The following C6orf136 variants were observed in gnomAD, a reference collection of about 807,000 sequenced individuals.
The protein encoded by C6orf136 is uncharacterized protein C6orf136.
A neutral mutation model predicts 44.0 loss-of-function variants in C6orf136; 29 were observed. The ratio of observed to expected loss-of-function variants is 0.66; its 90% CI spans 0.49 to 0.90. C6orf136 has a LOEUF of 0.90. Among genes scored for constraint, C6orf136 ranks in the 40% least tolerant of loss-of-function variants. The pLI, the probability that C6orf136 is intolerant of heterozygous loss-of-function variation, is 0.00. For synonymous variants in C6orf136, 293 were observed against 278.6 expected, an observed-to-expected ratio of 1.05 and a Z score of -0.52; for missense variants, 628 against 669.3, an observed-to-expected ratio of 0.94 and a Z score of 0.68.
At position 30,651,432 on chromosome 6, in the gene C6orf136, C is replaced by A; in HGVS notation, c.1273C>A (p.Arg425=). ...VGLPVHLLFL[R]FYKRDKDEHY... ...GCTGCCCGTCCACTTGCTCTTTTTG[C>A]GGTTCTACAAGCGTGACAAAGACGA... Residue 425 remains arginine (R), a synonymous_variant, in exon 4 of 6, where the codon CGG becomes AGG. Transcript: ENST00000651131. 1 of 1,611,180 alleles carries A rather than the reference C, an allele frequency of 6.2e-7. No homozygotes were observed. Among genetic ancestry groups the A allele is most frequent in the Non-Finnish European group, 8.5e-7 (1 of 1,179,986 alleles).
At position 30,651,489 on chromosome 6, in the gene C6orf136, C is replaced by A. The variant is rs200258940; in HGVS notation, c.1307+23C>A. The A allele has an allele frequency of 3.1e-6, 5 of 1,592,716 alleles. 1 individual carries two copies. Among genetic ancestry groups the A allele is most frequent in the African/African-American group, 2.7e-5 (2 of 74,580 alleles). ...CCGGTAAGAGAGAAATGAGAAAGGA[C>A]CCAAACTATAATCAGTTCCTTTTTT... On this transcript the variant is annotated intron_variant, in intron 4 of 5. Coordinates refer to ENST00000651131, the MANE Select transcript of C6orf136 (RefSeq NM_001161376.2).
Position 30,649,574 on chromosome 6 carries a change from G to T in C6orf136, c.632G>T (p.Gly211Val). The T allele has an allele frequency of 6.3e-7, 1 of 1,583,224 alleles. No homozygotes were observed. Among genetic ancestry groups the T allele is most frequent in the Non-Finnish European group, 8.5e-7 (1 of 1,172,376 alleles). Residue 211 changes from glycine to valine, a missense_variant, in exon 2 of 6, where the codon GGG becomes GTG. Gly to Val is a moderately radical substitution (Grantham distance 109). Coordinates refer to ENST00000651131, the MANE Select transcript of C6orf136 (RefSeq NM_001161376.2). Reference protein sequence around the residue: ...PSGTEDQLYPGTLPFPPLWPH... With the variant: ...PSGTEDQLYPVTLPFPPLWPH... Reference sequence around the variant, plus strand: ...TCTCCTTAGGACCAGCTTTATCCAGGGACTCTACCATTCCCACCCCTTTGG... The same window carrying T: ...TCTCCTTAGGACCAGCTTTATCCAGTGACTCTACCATTCCCACCCCTTTGG...
At chr6:30,652,345 C>T (rs138684884) in intron 4 of C6orf136, among the ~76,000 whole-genome samples, 1 of 152,072 alleles carries the variant, frequency 6.6e-6, no homozygotes, top group East Asian at 1.9e-4. Context: ...TGGTAAATTT[C>T]CGCCTGGGAG....
intron 4 of C6orf136, 106 bp from the exon 5 acceptor site, chr6:30,652,542 A>G: frequency 2.0e-6 from 2 of 991,412 alleles, no homozygotes; most frequent in Non-Finnish European, 3.3e-6. Context: ...TGCCCAGGTG[A>G]TCTAATATGT....
In C6orf136 at chr6:30,652,960, A is replaced by G. The variant is rs1435424143; in HGVS notation, c.*45A>G. Reference sequence around the variant, plus strand: ...GGCAGCACTGAAGACTGCTACGCCCAAGAGAAGGAGGTGGAGGCAGCCAAG... The same window carrying G: ...GGCAGCACTGAAGACTGCTACGCCCGAGAGAAGGAGGTGGAGGCAGCCAAG... On this transcript the variant is annotated 3_prime_UTR_variant, in exon 6 of 6. Coordinates refer to ENST00000651131, the MANE Select transcript of C6orf136 (RefSeq NM_001161376.2). 6.5e-7 allele frequency: 1 copy of G among 1,543,472 alleles called. No individual in the cohort carries two copies. Among genetic ancestry groups the G allele is most frequent in the Non-Finnish European group, 8.9e-7 (1 of 1,119,114 alleles).
Position 30,653,202 on chromosome 6 carries a change from G to A in C6orf136, c.*287G>A. The stretch of plus-strand genomic sequence containing the variant: ...AATAGGTATTAAATAATGTATAGAA[G>A]GAAAAGGAGCTGGTGTCAGGTTCTG... On this transcript the variant is annotated 3_prime_UTR_variant, in exon 6 of 6. Coordinates refer to ENST00000651131, the MANE Select transcript of C6orf136 (RefSeq NM_001161376.2). 1.3e-6 allele frequency: 2 copies of A among 1,591,550 alleles called. No homozygotes were observed. Among genetic ancestry groups the A allele is most frequent in the Non-Finnish European group, 1.7e-6 (2 of 1,173,572 alleles).
rs1041483084 is a variant in C6orf136, at chr6:30,647,282, C to T, written c.51C>T (p.Arg17=). 7 of 1,600,210 alleles carry T rather than the reference C, an allele frequency of 4.4e-6. No homozygotes were observed. The African/African-American group carries it at 8.2e-5, about 19-fold the overall frequency. The change falls in exon 1 of 6, where the codon CGC becomes CGT. Residue 17 remains arginine (R), a synonymous_variant. Coordinates refer to ENST00000651131, the MANE Select transcript of C6orf136 (RefSeq NM_001161376.2). The surrounding 1 kb of genome is among the most constrained non-coding windows in gnomAD (Gnocchi z 4.8). ...CCCGGCGTCTCGGCCCTTGCCTGCGCGCCTACCAGGCTCGACCCCAGGTGA... is the reference window on the plus strand; with the variant it reads ...CCCGGCGTCTCGGCCCTTGCCTGCGTGCCTACCAGGCTCGACCCCAGGTGA... The part of the protein sequence containing the change: ...GAARRLGPCL[R]AYQARPQVSG...
At chr6:30,648,596 T>C (rs1767099036) in intron 1 of C6orf136, among the ~76,000 whole-genome samples, 2 of 151,308 alleles carry the variant, frequency 1.3e-5, no homozygotes, top group South Asian at 4.2e-4. Context: ...AGATGGGGTG[T>C]CACCATATTG....
intron 1 of C6orf136, among the ~76,000 whole-genome samples, chr6:30,648,434 C>G (rs1223862867): frequency 1.3e-5 from 2 of 149,914 alleles, no homozygotes; most frequent in African/African-American, 4.9e-5. Context: ...AGTCTTGCTC[C>G]GTCACCCAGG....
chr6:30,649,509 G>A, intron 1 of C6orf136, 49 bp from the exon 2 acceptor site: 2 of 1,539,578 alleles, frequency 1.3e-6, no homozygotes, highest in Non-Finnish European at 8.7e-7. Context: ...ATCAAGGGGT[G>A]TTAGACAAGT....
intron 4 of C6orf136, among the ~76,000 whole-genome samples, chr6:30,651,831 T>G (rs2127571992): frequency 6.6e-6 from 1 of 152,132 alleles, no homozygotes; most frequent in South Asian, 2.1e-4. Flanking sequence ...CTTGACTGTT[T>G]AAGGACAGGG....
rs1455398881 is a variant in C6orf136 at position 30,647,854 on chromosome 6, A to G, written c.615+8A>G. On this transcript the variant is annotated splice_region_variant and intron_variant, in intron 1 of 5. Transcript: ENST00000651131. The surrounding 1 kb of genome is among the most constrained non-coding windows in gnomAD (Gnocchi z 4.8). ...ACACCATCGGGGACCGAGGTACCCG[A>G]GCGGTCCGCCCGCCTTCCCTGCAGT... The G allele has an allele frequency of 6.8e-7, 1 of 1,473,308 alleles. No individual in the cohort carries two copies. Among genetic ancestry groups the G allele is most frequent in the South Asian group, 1.3e-5 (1 of 75,478 alleles). 91.3% of individuals were successfully genotyped at this position (1,473,308 alleles called of 1,614,324 possible).
rs1413088116 is a variant in C6orf136, at chr6:30,647,668, C to T, written c.437C>T (p.Ser146Phe). Residue 146 changes from serine to phenylalanine, a missense_variant, in exon 1 of 6, where the codon TCC (serine) becomes TTC (phenylalanine). Around this residue, in one of 2 missense-constraint regions of C6orf136, gnomAD observed 497 missense variants for 469.2 expected, o/e 1.06. Transcript: ENST00000651131. The surrounding 1 kb of genome is among the most constrained non-coding windows in gnomAD (Gnocchi z 4.8). The part of the protein sequence containing the change: ...RSPAAAPSRS[S>F]PAQTRPAGRP... ...CCTGCTGCGGCGCCGTCCCGGAGTT[C>T]CCCGGCCCAGACCAGACCCGCGGGG... 12 of 1,550,082 alleles carry T rather than the reference C, an allele frequency of 7.7e-6. No homozygotes were observed. Among genetic ancestry groups the T allele is most frequent in the Non-Finnish European group, 1.0e-5 (12 of 1,146,666 alleles).
intron 1 of C6orf136, among the ~76,000 whole-genome samples, chr6:30,648,148 A>G (rs1242276759): frequency 1.3e-5 from 2 of 152,180 alleles, no homozygotes; most frequent in African/African-American, 4.8e-5. Flanking sequence ...GTTCTCATTT[A>G]TAGGACATTT....
rs1251733861 is a variant in C6orf136, at chr6:30,653,185, T to G, written c.*270T>G. 3.2e-6 allele frequency: 5 copies of G among 1,565,790 alleles called. No individual in the cohort carries two copies. The highest frequency in any genetic ancestry group is 1.4e-5 in the African/African-American group (1 of 72,386). On this transcript the variant is annotated 3_prime_UTR_variant, in exon 6 of 6. Coordinates refer to ENST00000651131, the MANE Select transcript of C6orf136 (RefSeq NM_001161376.2). ...CAAAAATAATTTTATTTAATAGGTA[T>G]TAAATAATGTATAGAAGGAAAAGGA...
At chr6:30,651,730 C>T (rs533664683) in intron 4 of C6orf136, among the ~76,000 whole-genome samples, 1 of 152,088 alleles carries the variant, frequency 6.6e-6, no homozygotes, top group Admixed American at 6.5e-5. Context: ...GTCTCGAACT[C>T]CTCACCTTAG....
chr6:30,648,692 G>A (rs1243324023), intron 1 of C6orf136, among the ~76,000 whole-genome samples: 6 of 135,378 alleles, frequency 4.4e-5, no homozygotes, highest in African/African-American at 1.6e-4. Flanking sequence ...GAGCCACCGC[G>A]CCCGGCCACA....
rs1278456080 is a variant in C6orf136 at position 30,649,810 on chromosome 6, A to G, written c.868A>G (p.Ser290Gly). Reference sequence around the variant, plus strand: ...TAGCGGCTGCCTGGATGGGCTTAGAAGCCTTTTTGAGGGACCTCCCTGCCC... The same window carrying G: ...TAGCGGCTGCCTGGATGGGCTTAGAGGCCTTTTTGAGGGACCTCCCTGCCC... ...LHSGCLDGLR[S>G]LFEGPPCPYP... is the part of the protein sequence containing the mutation. Residue 290 changes from serine (S) to glycine (G), a missense_variant, in exon 2 of 6, where the codon AGC becomes GGC. Physicochemically the swap from Ser to Gly is moderately conservative, Grantham distance 56 (BLOSUM62 0). Transcript: ENST00000651131. 6.2e-7 allele frequency: 1 copy of G among 1,614,042 alleles called. No individual in the cohort carries two copies. The highest frequency in any genetic ancestry group is 2.2e-5 in the East Asian group (1 of 44,854).
Position 30,647,737 on chromosome 6 carries a change from G to A in C6orf136, c.506G>A (p.Trp169Ter). 6.5e-7 allele frequency: 1 copy of A among 1,549,558 alleles called. No individual in the cohort carries two copies. The highest frequency in any genetic ancestry group is 8.7e-7 in the Non-Finnish European group (1 of 1,146,680). The change falls in exon 1 of 6, where the codon TGG becomes TAG. Residue 169 changes from tryptophan to a stop codon, truncating the protein, a stop_gained. Coordinates refer to ENST00000651131, the MANE Select transcript of C6orf136 (RefSeq NM_001161376.2). LOFTEE classifies it high-confidence loss of function. This position sits in a 1 kb window ranked among gnomAD's most constrained non-coding sequence, Gnocchi z 4.8. ...CGTCTTGCACTCGGAGAGCGGTCCT[G>A]GCAGGAAGGCCGGCCAGTGTGCACC... Reference protein sequence around the residue: ...PARLALGERSWQEGRPVCTRF... With the variant: ...PARLALGERS
Sources: gnomAD v4.1 joint callset for allele counts (sites outside exome capture counted in the v4.1 genomes callset) on GRCh38, gnomAD v4.1.1 for gene constraint, gnomAD v4.1.1 regional missense constraint, Gnocchi (gnomAD v3.1) non-coding constraint, MANE v1.5 for transcripts, NCBI Gene and HGNC (gene_info 2026-07-23, HGNC 2026-07-21) for gene names.